Variants in DOCK8 observed in about 807,000 individuals in gnomAD.
DOCK8 encodes the protein dedicator of cytokinesis protein 8.
DOCK8 carries 141 observed loss-of-function variants against 245.6 expected under a neutral mutation model. That is an observed-to-expected ratio of 0.57 (90% CI 0.50 to 0.66). The LOEUF (loss-of-function observed/expected upper bound fraction) is 0.66. Ranked by LOEUF, DOCK8 falls within the 30% of genes least tolerant of loss-of-function variation. The probability of loss-of-function intolerance (pLI) is 0.00; values close to 1 mark genes in which losing one functional copy is unlikely to be tolerated. For synonymous variants in DOCK8, 1,168 were observed against 970.2 expected (o/e 1.20, Z -3.79); for missense variants, 2,965 against 2,603.4 (o/e 1.14, Z -3.02).
chr9:362,898 T>C (rs1365391228), intron 14 of DOCK8, among the ~76,000 whole-genome samples: 1 of 152,228 alleles, frequency 6.6e-6, no homozygotes. Context: ...GGTCCCTTGG[T>C]TAACCTATTC....
At chr9:319,982 T>C (rs181672520) in intron 7 of DOCK8, among the ~76,000 whole-genome samples, 1 of 152,326 alleles carries the variant, frequency 6.6e-6, no homozygotes, top group East Asian at 1.9e-4. Flanking sequence ...TCCATAACAA[T>C]CTCCCTCAAG....
intron 29 of DOCK8, among the ~76,000 whole-genome samples, chr9:417,733 G>T (rs867785724): frequency 6.6e-6 from 1 of 152,136 alleles, no homozygotes; most frequent in Non-Finnish European, 1.5e-5. Context: ...GTAATTGTAG[G>T]TGTCTTCTAT....
intron 32 of DOCK8, 117 bp downstream of exon 32, chr9:421,195 G>T (rs904694369): frequency 2.1e-6 from 3 of 1,395,754 alleles, no homozygotes; most frequent in Admixed American, 3.5e-5. Context: ...TTACGGTAGT[G>T]TCAGAGACAG....
rs150168596 is a variant in DOCK8, at chr9:397,647, A to G, written c.3120+713A>G. 3.1e-3 allele frequency among the ~76,000 whole-genome samples: 458 copies of G among 147,346 alleles called. 1 individual carries two copies. Among genetic ancestry groups the G allele is most frequent in the African/African-American group, 9.8e-3 (391 of 40,000 alleles). ...GGAGGTTGCAGTGAGCCGAGATGGT[A>G]CCACAGCACTCCAGCCTGGGTGACA... On this transcript the variant is annotated intron_variant, in intron 25 of 47. Transcript: ENST00000432829.
At chr9:299,197 G>A (rs2049412319) in intron 4 of DOCK8, among the ~76,000 whole-genome samples, 2 of 152,194 alleles carry the variant, frequency 1.3e-5, no homozygotes, top group Non-Finnish European at 2.9e-5. Flanking sequence ...AGCCCTTAGG[G>A]AGAGTCCAAA....
At chr9:268,176 C>A (rs369304232) in intron 1 of DOCK8, 1 of 152,184 alleles carries the variant, frequency 6.6e-6, no homozygotes, top group East Asian at 1.9e-4. Context: ...TTCTTTTCCA[C>A]GTGGAATGAT....
chr9:300,960 C>T (rs1333002514), intron 4 of DOCK8, among the ~76,000 whole-genome samples: 1 of 152,124 alleles, frequency 6.6e-6, no homozygotes, highest in Non-Finnish European at 1.5e-5. Flanking sequence ...TTCAAAAATT[C>T]AAGGAGGAAG....
At chr9:427,716 T>G (rs1416091858) in intron 34 of DOCK8, among the ~76,000 whole-genome samples, 1 of 152,188 alleles carries the variant, frequency 6.6e-6, no homozygotes, top group Non-Finnish European at 1.5e-5. Context: ...TTCTCTAACT[T>G]TTGAATTGTC....
intron 4 of DOCK8, among the ~76,000 whole-genome samples, chr9:293,286 C>T (rs959422177): frequency 6.6e-6 from 1 of 152,200 alleles, no homozygotes; most frequent in African/African-American, 2.4e-5. Context: ...ACACTCCTCC[C>T]AGGGATCATT....
At chr9:264,863 A>C (rs1036212937) in intron 1 of DOCK8, among the ~76,000 whole-genome samples, 1 of 152,186 alleles carries the variant, frequency 6.6e-6, no homozygotes, top group African/African-American at 2.4e-5. Context: ...CAATGATCTA[A>C]CCCTTTGATA....
chr9:234,195 T>G (rs1299729667), intron 1 of DOCK8, among the ~76,000 whole-genome samples: 2 of 152,230 alleles, frequency 1.3e-5, no homozygotes, highest in Non-Finnish European at 2.9e-5. Context: ...CATTGAAAAT[T>G]CTTTCCTTTC....
chr9:296,927 C>T (rs1195154171), intron 4 of DOCK8, among the ~76,000 whole-genome samples: 1 of 152,108 alleles, frequency 6.6e-6, no homozygotes, highest in African/African-American at 2.4e-5. Context: ...CCTCCTCACA[C>T]CATGTGGGTT....
At chr9:382,811 A>C (rs1444308556) in intron 22 of DOCK8, 126 bp downstream of exon 22, 10 of 1,223,062 alleles carry the variant, frequency 8.2e-6, no homozygotes, top group Non-Finnish European at 1.2e-5. Flanking sequence ...TTTAATGCTC[A>C]GCTTTGGAGT....
chr9:416,110 G>A (rs992305505), intron 29 of DOCK8, among the ~76,000 whole-genome samples: 1 of 152,182 alleles, frequency 6.6e-6, no homozygotes, highest in Non-Finnish European at 1.5e-5. Flanking sequence ...GGTTGAGACA[G>A]GGGTTAGGGT....
intron 1 of DOCK8, among the ~76,000 whole-genome samples, chr9:247,565 G>A (rs1443541076): frequency 2.6e-5 from 4 of 151,986 alleles, no homozygotes; most frequent in East Asian, 1.9e-4. Flanking sequence ...AGGGAGTCTC[G>A]CTCTGTCGCC....
chr9:280,797 CAGG>C (rs2048546297), intron 2 of DOCK8: 1 of 152,228 alleles, frequency 6.6e-6, no homozygotes, highest in Admixed American at 6.5e-5. Context: ...CCAGCTCTTG[CAGG>C]AGAACTCTCT....
chr9:352,481 T>C (rs2052216681), intron 14 of DOCK8, among the ~76,000 whole-genome samples: 1 of 152,074 alleles, frequency 6.6e-6, no homozygotes, highest in Admixed American at 6.5e-5. Context: ...CGGTGGCTCA[T>C]GCCTGTAATC....
Position 286,824 on chromosome 9 carries a change from G to A in DOCK8, c.332+188G>A, listed in dbSNP as rs62533373. Among the ~76,000 whole-genome samples the A allele has an allele frequency of 0.034, 5,168 of 152,242 alleles. 99 individuals carry two copies. The highest frequency in any genetic ancestry group is 0.047 in the Non-Finnish European group (3,227 of 68,024). ...TAGTTTTTAAATTAGTTTGGCCAGA[G>A]ATTTTGAAAAGCTATGTGAAGACTA... is the stretch of plus-strand genomic sequence containing the variant. On this transcript the variant is annotated intron_variant, in intron 3 of 47. Coordinates refer to ENST00000432829, the MANE Select transcript of DOCK8 (RefSeq NM_203447.4).
intron 30 of DOCK8, among the ~76,000 whole-genome samples, chr9:419,515 T>C (rs2056185024): frequency 6.6e-6 from 1 of 152,236 alleles, no homozygotes; most frequent in African/African-American, 2.4e-5. Flanking sequence ...TGAGGTTGTA[T>C]CTCAAGATTT....
Sources: allele counts gnomAD v4.1 joint callset (sites outside exome capture counted in the v4.1 genomes callset), GRCh38; gene constraint gnomAD v4.1.1; transcripts MANE v1.5; gene names NCBI Gene and HGNC (gene_info 2026-07-23, HGNC 2026-07-21).